The following METTL24 variants were observed in gnomAD, a reference collection of about 807,000 sequenced individuals.
The protein encoded by METTL24 is probable methyltransferase-like protein 24.
METTL24 carries 29 observed loss-of-function variants against 32.7 expected under a neutral mutation model. The observed-to-expected ratio is 0.89, with a 90% confidence interval of 0.66 to 1.21. The LOEUF (loss-of-function observed/expected upper bound fraction) is 1.21, where lower values mean the gene tolerates loss of function less well. METTL24 is among the 50% of genes most tolerant of loss of function. The pLI is 0.00. For missense variants in METTL24, 439 were observed against 468.1 expected, an observed-to-expected ratio of 0.94 and a Z score of 0.57; for synonymous variants, 163 against 179.5, an observed-to-expected ratio of 0.91 and a Z score of 0.73.
chr6:110,259,410 G>A (rs1366197777), intron 4 of METTL24, among the ~76,000 whole-genome samples: 1 of 152,222 alleles, frequency 6.6e-6, no homozygotes. Context: ...GCAGCGGTGA[G>A]GCTGGGGGAG....
At chr6:110,328,042 T>G (rs1463926901) in intron 1 of METTL24, among the ~76,000 whole-genome samples, 1 of 152,188 alleles carries the variant, frequency 6.6e-6, no homozygotes, top group African/African-American at 2.4e-5. Context: ...CATTTTGGAT[T>G]GGTCTGTTTG....
intron 1 of METTL24, among the ~76,000 whole-genome samples, chr6:110,353,412 A>T: frequency 1.2e-5 from 1 of 80,474 alleles, no homozygotes; most frequent in South Asian, 4.5e-4. Flanking sequence ...TGGACATATC[A>T]GGGGGCATCC....
At chr6:110,298,771 G>T in intron 4 of METTL24, 151 bp downstream of exon 4, 3 of 682,978 alleles carry the variant, frequency 4.4e-6, no homozygotes, top group Non-Finnish European at 7.4e-6. Flanking sequence ...TATGTCTAGA[G>T]TTGACTCTAT....
intron 4 of METTL24, among the ~76,000 whole-genome samples, chr6:110,295,842 G>GAAGGAAGA (rs1554213753): frequency 6.8e-6 from 1 of 148,124 alleles, no homozygotes; most frequent in Non-Finnish European, 1.5e-5. Context: ...AGGAAGGAAG[G>GAAGGAAGA]TTCTCTATAA....
At chr6:110,297,322 T>C (rs1771438249) in intron 4 of METTL24, among the ~76,000 whole-genome samples, 1 of 152,202 alleles carries the variant, frequency 6.6e-6, no homozygotes. Flanking sequence ...TTATCTAAAA[T>C]TAGATAAATT....
chr6:110,288,731 G>A (rs993073826), intron 4 of METTL24, among the ~76,000 whole-genome samples: 18 of 152,134 alleles, frequency 1.2e-4, no homozygotes, highest in African/African-American at 3.9e-4. Context: ...AACACAGGGC[G>A]GTGAGCAGGA....
At chr6:110,246,511 T>C (rs915642472) in intron 4 of METTL24, among the ~76,000 whole-genome samples, 6 of 152,190 alleles carry the variant, frequency 3.9e-5, no homozygotes, top group African/African-American at 1.2e-4. Context: ...ATAAAACTCC[T>C]GGTTCAAGCA....
intron 2 of METTL24, among the ~76,000 whole-genome samples, chr6:110,319,210 C>G (rs1029274969): frequency 6.6e-6 from 1 of 152,044 alleles, no homozygotes; most frequent in African/African-American, 2.4e-5. Flanking sequence ...TACAGTACCA[C>G]TATTTTTGAA....
At chr6:110,248,383 G>C (rs182913219) in intron 4 of METTL24, among the ~76,000 whole-genome samples, 2 of 152,276 alleles carry the variant, frequency 1.3e-5, no homozygotes, top group Admixed American at 1.3e-4. Context: ...TGATGCCTGA[G>C]ACTCTGTAGG....
chr6:110,321,302 C>T (rs575544920), intron 2 of METTL24, among the ~76,000 whole-genome samples: 4 of 152,188 alleles, frequency 2.6e-5, no homozygotes, highest in South Asian at 4.2e-4. Context: ...GGGAAAGATC[C>T]AAGAGAGATC....
intron 4 of METTL24, among the ~76,000 whole-genome samples, chr6:110,278,633 C>A (rs902477769): frequency 2.0e-5 from 3 of 152,148 alleles, no homozygotes. Context: ...GCCTTGGACA[C>A]TGCTTAAAAA....
At chr6:110,356,269 CCCA>C (rs1772695085) in intron 1 of METTL24, among the ~76,000 whole-genome samples, 1 of 151,930 alleles carries the variant, frequency 6.6e-6, no homozygotes, top group African/African-American at 2.4e-5. Flanking sequence ...CATGGTGAAA[CCCA>C]TCTCTATTAA....
intron 1 of METTL24, among the ~76,000 whole-genome samples, chr6:110,328,231 G>A (rs892229616): frequency 1.5e-4 from 23 of 151,478 alleles, no homozygotes; most frequent in Admixed American, 1.4e-3. Context: ...CAGGGCAGGC[G>A]TGGTCCTGAT....
At chr6:110,260,417 A>C (rs2114699008) in intron 4 of METTL24, among the ~76,000 whole-genome samples, 1 of 152,366 alleles carries the variant, frequency 6.6e-6, no homozygotes, top group East Asian at 1.9e-4. Flanking sequence ...TTTAGAGAAA[A>C]AAGAATAAAC....
At chr6:110,347,292 C>T (rs1772496113) in intron 1 of METTL24, among the ~76,000 whole-genome samples, 1 of 152,158 alleles carries the variant, frequency 6.6e-6, no homozygotes, top group South Asian at 2.1e-4. Context: ...CCCTGACTTC[C>T]CTGTCTGCAA....
chr6:110,343,253 C>T lies in METTL24; in HGVS notation c.318+14702G>A, dbSNP rs532788171. 3.3e-5 allele frequency among the ~76,000 whole-genome samples: 5 copies of T among 152,296 alleles called. No individual in the cohort carries two copies. In the South Asian group the frequency reaches 6.2e-4, roughly 19 times the overall value. On this transcript the variant is annotated intron_variant, in intron 1 of 4. Transcript: ENST00000338882. ...TTCTGCATGAAGCAATATATTGCTG[C>T]TCTCAAAGTACCACTAATAATATAT... is the stretch of plus-strand genomic sequence containing the variant.
rs1771533859 is a variant in METTL24, at chr6:110,302,454, T to TATGTGTATATATACACATAC, written c.558-3305_558-3304insGTATGTGTATATATACACAT. Among the ~76,000 whole-genome samples, 10 of 79,752 alleles carry TATGTGTATATATACACATAC rather than the reference T, an allele frequency of 1.3e-4. No homozygotes were observed. In the East Asian group the frequency reaches 2.4e-3, roughly 19 times the overall value. 52.3% of individuals were successfully genotyped at this position (79,752 alleles called of 152,430 possible). A position where few individuals can be genotyped will look rare whatever the true frequency, so the allele number is the denominator to read the frequency against. The stretch of plus-strand genomic sequence containing the variant: ...ACACATATGTGTATATATACACATA[T>TATGTGTATATATACACATAC]ACACACATATGTGTATATATACACA... On this transcript the variant is annotated intron_variant, in intron 3 of 4. Transcript: ENST00000338882.
At chr6:110,295,013 CTTTTTTT>C (rs1195740747) in intron 4 of METTL24, among the ~76,000 whole-genome samples, 22 of 78,124 alleles carry the variant, frequency 2.8e-4, no homozygotes, top group Non-Finnish European at 4.2e-4. Context: ...TTCTTTCTTT[CTTTTTTT>C]TTTTTTTTTT....
intron 4 of METTL24, among the ~76,000 whole-genome samples, chr6:110,266,916 C>T (rs1464819815): frequency 1.3e-5 from 2 of 151,968 alleles, no homozygotes; most frequent in Non-Finnish European, 2.9e-5. Flanking sequence ...CTCATAGTAA[C>T]GTTCACTTTT....
Sources: allele counts gnomAD v4.1 joint callset (sites outside exome capture counted in the v4.1 genomes callset), GRCh38; gene constraint gnomAD v4.1.1; transcripts MANE v1.5; gene names NCBI Gene and HGNC (gene_info 2026-07-23, HGNC 2026-07-21).